The following NKAIN2 variants were observed in gnomAD, a reference collection of about 807,000 sequenced individuals.
NKAIN2 encodes the protein sodium/potassium transporting ATPase interacting 2.
In NKAIN2, 14 loss-of-function variants were observed where a neutral mutation model predicts 32.6. The ratio of observed to expected loss-of-function variants is 0.43; its 90% confidence interval spans 0.28 to 0.67. NKAIN2 has a LOEUF of 0.67. Among genes scored for constraint, NKAIN2 ranks in the 30% least tolerant of loss-of-function variants. NKAIN2 has a pLI of 0.17. For missense variants in NKAIN2, 198 were observed against 258.3 expected (o/e 0.77, Z 1.60); for synonymous variants, 80 against 87.2 (o/e 0.92, Z 0.46).
chr6:124,353,716 C>T lies in NKAIN2; in HGVS notation c.193-1551C>T, dbSNP rs939133734. Among the ~76,000 whole-genome samples the T allele has an allele frequency of 5.9e-5, 9 of 151,544 alleles. 1 individual carries two copies. In the East Asian group the frequency reaches 1.8e-3, roughly 30 times the overall value. ...CTCTCAGTGAGCCGAGATCGCGCCACTGCACTCCAGCCTGGGCGACAGAGC... is the reference window on the plus strand; with the variant it reads ...CTCTCAGTGAGCCGAGATCGCGCCATTGCACTCCAGCCTGGGCGACAGAGC... On this transcript the variant is annotated intron_variant, in intron 2 of 6. Coordinates refer to ENST00000368417, the MANE Select transcript of NKAIN2 (RefSeq NM_001040214.3).
intron 1 of NKAIN2, among the ~76,000 whole-genome samples, chr6:123,932,503 G>A (rs1004776406): frequency 6.9e-6 from 1 of 144,364 alleles, no homozygotes; most frequent in Admixed American, 7.2e-5. Context: ...TGCAAGCTCC[G>A]CCTCCCGGGT....
rs377283482 is a variant in NKAIN2 at position 124,694,788 on chromosome 6, AT to A, written c.474+36409del. Among the ~76,000 whole-genome samples, 61 of 152,276 alleles carry A rather than the reference AT, an allele frequency of 4.0e-4. No individual in the cohort carries two copies. In the East Asian group the frequency reaches 0.011, roughly 27 times the overall value. On this transcript the variant is annotated intron_variant, in intron 4 of 6. Transcript: ENST00000368417. ...GAAGCTTCCTGCTAGCATGAAATTG[AT>A]TTTTTTACCTAGAAAATTAACATGA...
At chr6:123,902,081 G>A (rs192068083) in intron 1 of NKAIN2, among the ~76,000 whole-genome samples, 16 of 152,292 alleles carry the variant, frequency 1.1e-4, no homozygotes, top group African/African-American at 3.6e-4. Flanking sequence ...CAGAAATCTA[G>A]GAGGGTGGCA....
intron 3 of NKAIN2, among the ~76,000 whole-genome samples, chr6:124,474,916 A>G (rs1245900335): frequency 8.2e-6 from 1 of 121,240 alleles, no homozygotes; most frequent in African/African-American, 2.7e-5. Context: ...TATATACTAT[A>G]TATGTATGCA....
At chr6:124,098,618 C>G (rs770331970) in intron 1 of NKAIN2, among the ~76,000 whole-genome samples, 15 of 152,040 alleles carry the variant, frequency 9.9e-5, no homozygotes, top group Non-Finnish European at 1.9e-4. Context: ...CACCTGTAAT[C>G]CCAGCACTTT....
At chr6:123,932,641 T>C (rs1776308474) in intron 1 of NKAIN2, among the ~76,000 whole-genome samples, 1 of 151,958 alleles carries the variant, frequency 6.6e-6, no homozygotes, top group African/African-American at 2.4e-5. Flanking sequence ...ATGGTCCCGA[T>C]CTCCTGACCT....
chr6:123,937,976 G>T (rs960785327), intron 1 of NKAIN2, among the ~76,000 whole-genome samples: 5 of 19,912 alleles, frequency 2.5e-4, no homozygotes, highest in African/African-American at 1.7e-3. Context: ...TGCTCCTCTT[G>T]GGCCTTGAAC....
In NKAIN2 at chr6:124,171,544, T is replaced by C. The variant is rs1302627972; in HGVS notation, c.55-111461T>C. On this transcript the variant is annotated intron_variant, in intron 1 of 6. Transcript: ENST00000368417. The stretch of plus-strand genomic sequence containing the variant: ...TAAGTTTTCGTAAGAGAGGGCCGAT[T>C]TGATTTTTTTTTTTTTTTTTTTTTT... Among the ~76,000 whole-genome samples, 4 of 106,330 alleles carry C rather than the reference T, an allele frequency of 3.8e-5. No individual in the cohort carries two copies. In the South Asian group the frequency reaches 1.0e-3, roughly 27 times the overall value. 69.8% of individuals were successfully genotyped at this position (106,330 alleles called of 152,430 possible).
intron 4 of NKAIN2, among the ~76,000 whole-genome samples, chr6:124,779,381 A>C (rs1027444009): frequency 1.4e-5 from 2 of 146,946 alleles, no homozygotes; most frequent in African/African-American, 2.5e-5. Flanking sequence ...GGAAGGAAGG[A>C]AGTCCTCCTG....
At chr6:124,412,709 A>G (rs1050639164) in intron 3 of NKAIN2, among the ~76,000 whole-genome samples, 1 of 152,210 alleles carries the variant, frequency 6.6e-6, no homozygotes, top group African/African-American at 2.4e-5. Context: ...GCTGTCAGAC[A>G]GGGACATTTA....
intron 4 of NKAIN2, among the ~76,000 whole-genome samples, chr6:124,738,145 T>C (rs377341887): frequency 1.6e-4 from 24 of 151,994 alleles, no homozygotes; most frequent in African/African-American, 5.3e-4. Flanking sequence ...GATAAGTTAG[T>C]ATCAACTTAG....
At chr6:124,001,801 A>ATATG (rs1491546113) in intron 1 of NKAIN2, among the ~76,000 whole-genome samples, 433 of 7,762 alleles carry the variant, frequency 0.056, 5 homozygotes, top group African/African-American at 0.24. Context: ...TTAGTTCTAA[A>ATATG]TATATATATA....
At chr6:124,552,162 G>C (rs1357426493) in intron 3 of NKAIN2, among the ~76,000 whole-genome samples, 1 of 152,172 alleles carries the variant, frequency 6.6e-6, no homozygotes. Flanking sequence ...TCATTTCAAT[G>C]ACCTACTATG....
intron 1 of NKAIN2, among the ~76,000 whole-genome samples, chr6:124,067,588 G>A (rs1232394309): frequency 1.3e-5 from 2 of 152,156 alleles, no homozygotes; most frequent in Non-Finnish European, 1.5e-5. Flanking sequence ...TGTATTTGTT[G>A]AGCATTTCTC....
At chr6:124,522,741 A>T (rs1424555323) in intron 3 of NKAIN2, among the ~76,000 whole-genome samples, 1 of 152,234 alleles carries the variant, frequency 6.6e-6, no homozygotes, top group Non-Finnish European at 1.5e-5. Context: ...TTTAAAATAG[A>T]TGCTTCCACT....
At chr6:124,327,933 A>G (rs1406576350) in intron 2 of NKAIN2, among the ~76,000 whole-genome samples, 1 of 152,200 alleles carries the variant, frequency 6.6e-6, no homozygotes, top group Non-Finnish European at 1.5e-5. Flanking sequence ...CTTTAAAAAT[A>G]AAGAGGCTAG....
At chr6:123,876,228 C>G (rs1400633233) in intron 1 of NKAIN2, among the ~76,000 whole-genome samples, 1 of 152,100 alleles carries the variant, frequency 6.6e-6, no homozygotes, top group African/African-American at 2.4e-5. Flanking sequence ...TTTCTCCATT[C>G]TTTCAAAATT....
intron 1 of NKAIN2, among the ~76,000 whole-genome samples, chr6:124,018,448 G>A (rs1268015239): frequency 6.6e-6 from 1 of 152,098 alleles, no homozygotes; most frequent in African/African-American, 2.4e-5. Flanking sequence ...TTCTCCTATT[G>A]CATCCTCAGG....
intron 1 of NKAIN2, among the ~76,000 whole-genome samples, chr6:123,815,555 C>A (rs1440525385): frequency 3.3e-5 from 5 of 151,876 alleles, no homozygotes. Context: ...TGGAATCTTG[C>A]AAATCTGAAA....
Sources: gnomAD v4.1 joint callset for allele counts (sites outside exome capture counted in the v4.1 genomes callset) on GRCh38, gnomAD v4.1.1 for gene constraint, MANE v1.5 for transcripts, NCBI Gene and HGNC (gene_info 2026-07-23, HGNC 2026-07-21) for gene names.